Variants in SUCO observed in about 807,000 individuals in gnomAD.
SUCO encodes the protein SUN domain containing ossification factor, also known as SUN domain-containing ossification factor.
In SUCO, 57 loss-of-function variants were observed where a neutral mutation model predicts 148.1. The ratio of observed to expected loss-of-function variants is 0.38; its 90% CI spans 0.31 to 0.48. The LOEUF (loss-of-function observed/expected upper bound fraction) is 0.48. Among genes scored for constraint, SUCO ranks in the 20% least tolerant of loss-of-function variants. The probability of loss-of-function intolerance (pLI) is 0.96; values close to 1 mark genes in which losing one functional copy is unlikely to be tolerated. For missense variants in SUCO, 1,331 were observed against 1,468.2 expected (o/e 0.91, Z 1.53); for synonymous variants, 470 against 502.7 (o/e 0.93, Z 0.87).
Position 172,570,068 on chromosome 1 carries a change from C to G in SUCO, c.878C>G (p.Ser293Cys), listed in dbSNP as rs368426579. The G allele has an allele frequency of 8.2e-6, 13 of 1,578,736 alleles. No homozygotes were observed. The Middle Eastern group carries it at 5.0e-4, about 61-fold the overall frequency. Residue 293 changes from serine to cysteine, a missense_variant, in exon 8 of 24, where the codon TCT becomes TGT. Coordinates refer to ENST00000263688, the MANE Select transcript of SUCO (RefSeq NM_014283.5). ...KEKSQSMHAS[S>C]NGGSHATKKV... ...GCAGGTCAGTCGATGCATGCATCTT[C>G]TAATGGAGGTTCACATGCCACCAAA... is the stretch of plus-strand genomic sequence containing the variant.
intron 19 of SUCO, among the ~76,000 whole-genome samples, chr1:172,597,901 A>G (rs559015381): frequency 1.1e-4 from 17 of 152,288 alleles, no homozygotes; most frequent in Admixed American, 3.3e-4. Flanking sequence ...CTCCCAATCC[A>G]TTACTTGTTT....
chr1:172,601,939 A>G, intron 20 of SUCO, 125 bp from the exon 21 acceptor site: 1 of 933,632 alleles, frequency 1.1e-6, no homozygotes. Context: ...CATGCCCTGC[A>G]TTTCTGGTCT....
chr1:172,590,787 T>G (rs1656597431), intron 18 of SUCO, among the ~76,000 whole-genome samples, 197 bp from the exon 19 acceptor site: 1 of 152,176 alleles, frequency 6.6e-6, no homozygotes, highest in African/African-American at 2.4e-5. Flanking sequence ...TACCTCCATC[T>G]GCATCCCAAG....
At chr1:172,552,275 A>T (rs1237333803) in intron 2 of SUCO, 2 of 152,054 alleles carry the variant, frequency 1.3e-5, no homozygotes, top group Non-Finnish European at 2.9e-5. Flanking sequence ...GTGGGTATAG[A>T]TAACACCTTT....
chr1:172,567,161 G>T (rs1654613069), intron 6 of SUCO, among the ~76,000 whole-genome samples: 2 of 152,130 alleles, frequency 1.3e-5, no homozygotes, highest in Non-Finnish European at 2.9e-5. Context: ...AGAAGTTATG[G>T]ATATTTCATG....
In SUCO at chr1:172,577,752, T is replaced by G. The variant is rs769890239; in HGVS notation, c.1285-12T>G. The G allele has an allele frequency of 6.2e-7, 1 of 1,611,254 alleles. No individual in the cohort carries two copies. Among genetic ancestry groups the G allele is most frequent in the African/African-American group, 1.3e-5 (1 of 74,920 alleles). On this transcript the variant is annotated splice_polypyrimidine_tract_variant and intron_variant, in intron 12 of 23. Coordinates refer to ENST00000263688, the MANE Select transcript of SUCO (RefSeq NM_014283.5). ...CTGCTGGCTTCCCATTTTATGTGCTTTTATTCTTTAGGTTGAGTTGCTATC... is the reference window on the plus strand; with the variant it reads ...CTGCTGGCTTCCCATTTTATGTGCTGTTATTCTTTAGGTTGAGTTGCTATC...
chr1:172,569,547 A>G (rs755961974), intron 7 of SUCO: 27 of 974,282 alleles, frequency 2.8e-5, no homozygotes, highest in Non-Finnish European at 3.0e-5. Flanking sequence ...ATACCTAAAG[A>G]AAAGCTTGCT....
At chr1:172,567,111 A>G (rs1654607145) in intron 6 of SUCO, among the ~76,000 whole-genome samples, 1 of 152,220 alleles carries the variant, frequency 6.6e-6, no homozygotes, top group Non-Finnish European at 1.5e-5. Context: ...GAGGTTTGGA[A>G]ATGGCTCTAC....
chr1:172,547,338 A>T (rs1168453211), intron 1 of SUCO, among the ~76,000 whole-genome samples: 1 of 152,200 alleles, frequency 6.6e-6, no homozygotes, highest in Non-Finnish European at 1.5e-5. Flanking sequence ...TAGGAGTAAA[A>T]ACTACTATGG....
chr1:172,598,883 A>G (rs1018942730), intron 19 of SUCO, among the ~76,000 whole-genome samples: 1 of 152,252 alleles, frequency 6.6e-6, no homozygotes, highest in Non-Finnish European at 1.5e-5. Context: ...AGAAAGTACC[A>G]TAGTGGATCA....
chr1:172,548,808 C>T (rs1218237354), intron 1 of SUCO, among the ~76,000 whole-genome samples: 3 of 151,834 alleles, frequency 2.0e-5, no homozygotes, highest in Non-Finnish European at 2.9e-5. Context: ...TTCCACGTGT[C>T]CTTGAGAAGA....
intron 3 of SUCO, among the ~76,000 whole-genome samples, chr1:172,555,638 T>C (rs530315066): frequency 6.6e-6 from 1 of 152,344 alleles, no homozygotes; most frequent in African/African-American, 2.4e-5. Flanking sequence ...GAGAAAGTGC[T>C]TTCCTAGTTT....
intron 22 of SUCO, among the ~76,000 whole-genome samples, chr1:172,605,385 C>T (rs962314202): frequency 6.6e-6 from 1 of 151,782 alleles, no homozygotes; most frequent in African/African-American, 2.4e-5. Flanking sequence ...TGTGAATATT[C>T]AGTTTTTCCA....
chr1:172,540,567 C>T (rs952940939), intron 1 of SUCO, among the ~76,000 whole-genome samples: 1 of 152,132 alleles, frequency 6.6e-6, no homozygotes, highest in Non-Finnish European at 1.5e-5. Context: ...ACACATAAAA[C>T]TGAACTGCAT....
chr1:172,582,471 T>C (rs964624531), intron 15 of SUCO, among the ~76,000 whole-genome samples: 1 of 152,092 alleles, frequency 6.6e-6, no homozygotes, highest in African/African-American at 2.4e-5. Context: ...GACCAAATAT[T>C]AGGAGCATTT....
chr1:172,549,937 G>A (rs1018079380), intron 1 of SUCO, among the ~76,000 whole-genome samples: 1 of 151,466 alleles, frequency 6.6e-6, no homozygotes, highest in Non-Finnish European at 1.5e-5. Context: ...GAAAGCAGTA[G>A]GTTTAAGAAA....
chr1:172,607,852 A>G (rs1254302770), intron 22 of SUCO, among the ~76,000 whole-genome samples: 1 of 151,960 alleles, frequency 6.6e-6, no homozygotes, highest in Admixed American at 6.6e-5. Context: ...TTCTCAATAA[A>G]TCTCTGAAAT....
intron 19 of SUCO, among the ~76,000 whole-genome samples, chr1:172,592,899 C>G (rs541494697): frequency 6.6e-6 from 1 of 152,300 alleles, no homozygotes; most frequent in Admixed American, 6.5e-5. Flanking sequence ...TTGGTTCTTC[C>G]TACCCATGAA....
upstream of SUCO, chr1:172,532,765 C>T (rs1182973915): frequency 3.1e-6 from 5 of 1,613,210 alleles, no homozygotes; most frequent in Admixed American, 6.7e-5. Flanking sequence ...CTCCCAAAGG[C>T]CCTTGCGCGG....
Sources: gnomAD v4.1 joint callset for allele counts (sites outside exome capture counted in the v4.1 genomes callset) on GRCh38, gnomAD v4.1.1 for gene constraint, MANE v1.5 for transcripts, NCBI Gene and HGNC (gene_info 2026-07-23, HGNC 2026-07-21) for gene names.